Variants in CELSR3 observed in about 807,000 individuals in gnomAD.
CELSR3 encodes the protein EGF-like protein 1.
Under a neutral mutation model 270.0 loss-of-function variants are expected in CELSR3, and 73 were observed. The observed-to-expected ratio is 0.27, with a 90% CI of 0.22 to 0.33. The LOEUF is 0.33. Among genes scored for constraint, CELSR3 ranks in the 10% least tolerant of loss-of-function variants. The probability of loss-of-function intolerance (pLI) is 1.00; values close to 1 mark genes in which losing one functional copy is unlikely to be tolerated. For synonymous variants in CELSR3, 1,780 were observed against 1,905.4 expected (o/e 0.93, Z 1.71); for missense variants, 3,614 against 4,533.8 (o/e 0.80, Z 5.83).
In CELSR3 at chr3:48,648,248, A is replaced by ACACCCCC; in HGVS notation, c.6973+17_6973+18insGGGGGTG. On this transcript the variant is annotated intron_variant, in intron 19 of 34. Coordinates refer to ENST00000164024, the MANE Select transcript of CELSR3 (RefSeq NM_001407.3). Reference sequence around the variant, plus strand: ...TGGCCCCCCTGCTGTGCCCCGCCCTACCCCACCCACAACGCACTGATATTA... The same window carrying ACACCCCC: ...TGGCCCCCCTGCTGTGCCCCGCCCTACACCCCCCCCCACCCACAACGCACTGATATTA... The ACACCCCC allele has an allele frequency of 1.0e-6, 1 of 975,248 alleles. No homozygotes were observed. The highest frequency in any genetic ancestry group is 1.5e-6 in the Non-Finnish European group (1 of 653,538). The allele number at this position is 975,248 out of a possible 1,614,324, so 60.4% of individuals were successfully genotyped here.
Position 48,650,435 on chromosome 3 carries a change from G to GGGGGGGGGC in CELSR3, c.6472+44_6472+45insGCCCCCCCC. 1 of 1,213,560 alleles carries GGGGGGGGGC rather than the reference G, an allele frequency of 8.2e-7. No homozygotes were observed. The highest frequency in any genetic ancestry group is 1.2e-6 in the Non-Finnish European group (1 of 846,620). 75.2% of individuals were successfully genotyped at this position (1,213,560 alleles called of 1,614,324 possible). A position where few individuals can be genotyped will look rare whatever the true frequency, so the allele number is the denominator to read the frequency against. ...CATGGCTCTAGCAGTCAGAGTACAG[G>GGGGGGGGGC]CCCACCCCCACCCTCAGTGATGTCC... On this transcript the variant is annotated intron_variant, in intron 16 of 34. Transcript: ENST00000164024. This position sits in a 1 kb window ranked among gnomAD's most constrained non-coding sequence, Gnocchi z 5.1.
chr3:48,652,798 A>C lies in CELSR3; in HGVS notation c.5634+204T>G, dbSNP rs1345665472. Among the ~76,000 whole-genome samples, 2 of 152,208 alleles carry C rather than the reference A, an allele frequency of 1.3e-5. No individual in the cohort carries two copies. The highest frequency in any genetic ancestry group is 2.4e-5 in the African/African-American group (1 of 41,436). On this transcript the variant is annotated intron_variant, in intron 10 of 34. Transcript: ENST00000164024. This position sits in a 1 kb window ranked among gnomAD's most constrained non-coding sequence, Gnocchi z 4.3. ...GAGGTTCCCCAAGACCAGGCCCCAA[A>C]TCTGGCACAAAGAGGGCTTGAGAGT...
Position 48,650,864 on chromosome 3 carries a change from T to G in CELSR3, c.6370+28A>C, listed in dbSNP as rs749347987. 1 of 1,601,568 alleles carries G rather than the reference T, an allele frequency of 6.2e-7. No homozygotes were observed. The highest frequency in any genetic ancestry group is 2.2e-5 in the East Asian group (1 of 44,810). ...GTGGCACACTGGAACCAGCCCTCTA[T>G]GGGTGGAGCTGGGTGGAGCCTGCTC... is the stretch of plus-strand genomic sequence containing the variant. On this transcript the variant is annotated intron_variant, in intron 15 of 34. Coordinates refer to ENST00000164024, the MANE Select transcript of CELSR3 (RefSeq NM_001407.3). This position sits in a 1 kb window ranked among gnomAD's most constrained non-coding sequence, Gnocchi z 5.1.
In CELSR3 at chr3:48,659,451, C is replaced by T. The variant is rs1349803149; in HGVS notation, c.3184G>A (p.Asp1062Asn). The T allele has an allele frequency of 6.2e-7, 1 of 1,614,196 alleles. No individual in the cohort carries two copies. The highest frequency in any genetic ancestry group is 8.5e-7 in the Non-Finnish European group (1 of 1,180,050). The change falls in exon 1 of 35, where the codon GAC becomes AAC. Residue 1062 changes from aspartate (D) to asparagine (N), a missense_variant. By Grantham distance (23) the Asp-to-Asn change is conservative. Around this residue, in one of 7 missense-constraint regions of CELSR3, gnomAD observed 1,331 missense variants for 1,933.7 expected, o/e 0.69. Transcript: ENST00000164024. The surrounding 1 kb of genome is among the most constrained non-coding windows in gnomAD (Gnocchi z 8.1). ...TCAGCTGGGAAGACAGGTGCATTGT[C>T]GTTCACATCCTGCACCATCACCTGG... The part of the protein sequence containing the change: ...SIQVMVQDVN[D>N]NAPVFPAEEF...
chr3:48,640,875 C>A lies in CELSR3; in HGVS notation c.9026-316G>T. Reference sequence around the variant, plus strand: ...GCCCTCAGGTCCTGACAATGCAGGCCTGGCTGAAATGCAGGAACCCCCCGG... The same window carrying A: ...GCCCTCAGGTCCTGACAATGCAGGCATGGCTGAAATGCAGGAACCCCCCGG... On this transcript the variant is annotated intron_variant, in intron 33 of 34. Transcript: ENST00000164024. The surrounding 1 kb of genome is among the most constrained non-coding windows in gnomAD (Gnocchi z 7.5). The A allele has an allele frequency of 2.2e-6, 1 of 464,396 alleles. No individual in the cohort carries two copies. The highest frequency in any genetic ancestry group is 3.8e-6 in the Non-Finnish European group (1 of 261,826). The allele number at this position is 464,396 out of a possible 1,614,324, so 28.8% of individuals were successfully genotyped here.
In CELSR3 at chr3:48,648,248, A is replaced by ACCCCCCCCCCAACCCCCCC; in HGVS notation, c.6973+17_6973+18insGGGGGGGTTGGGGGGGGGG. 1.0e-6 allele frequency: 1 copy of ACCCCCCCCCCAACCCCCCC among 975,254 alleles called. No individual in the cohort carries two copies. The highest frequency in any genetic ancestry group is 1.5e-6 in the Non-Finnish European group (1 of 653,540). 60.4% of individuals were successfully genotyped at this position (975,254 alleles called of 1,614,324 possible). Reference sequence around the variant, plus strand: ...TGGCCCCCCTGCTGTGCCCCGCCCTACCCCACCCACAACGCACTGATATTA... The same window carrying ACCCCCCCCCCAACCCCCCC: ...TGGCCCCCCTGCTGTGCCCCGCCCTACCCCCCCCCCAACCCCCCCCCCCACCCACAACGCACTGATATTA... On this transcript the variant is annotated intron_variant, in intron 19 of 34. Coordinates refer to ENST00000164024, the MANE Select transcript of CELSR3 (RefSeq NM_001407.3).
Position 48,646,856 on chromosome 3 carries a change from G to C in CELSR3, c.7202C>G (p.Pro2401Arg), listed in dbSNP as rs2047089033. 1 of 1,596,910 alleles carries C rather than the reference G, an allele frequency of 6.3e-7. No individual in the cohort carries two copies. Among genetic ancestry groups the C allele is most frequent in the Non-Finnish European group, 8.5e-7 (1 of 1,174,046 alleles). Reference protein sequence around the residue: ...SVVPPPAPPEPEPGISIIILL... With the variant: ...SVVPPPAPPEREPGISIIILL... ...AATGATAATGGAGATCCCAGGCTCT[G>C]GCTCTGGCGGGGCTGGTGGGGGGAC... The change falls in exon 21 of 35, where the codon CCA becomes CGA. Residue 2401 changes from proline (P) to arginine (R), a missense_variant. Transcript: ENST00000164024. This position sits in a 1 kb window ranked among gnomAD's most constrained non-coding sequence, Gnocchi z 4.8.
At position 48,655,355 on chromosome 3, in the gene CELSR3, C is replaced by T; in HGVS notation, c.4781G>A (p.Gly1594Asp). ...TGTATGCCATTGCCCGTCACTCAAG[C>T]CCCCTGGAACTGTGGGGCTGACCAC... ...NTVVSPTVPG[G>D]LSDGQWHTVH... The change falls in exon 5 of 35, where the codon GGC becomes GAC. Residue 1594 changes from glycine (G) to aspartate (D), a missense_variant. Gly to Asp is a moderately conservative substitution (Grantham distance 94). This residue lies in a region of CELSR3 where 1,331 missense variants were observed against 1,933.7 expected (regional missense o/e 0.69). Coordinates refer to ENST00000164024, the MANE Select transcript of CELSR3 (RefSeq NM_001407.3). The surrounding 1 kb of genome is among the most constrained non-coding windows in gnomAD (Gnocchi z 5.8). The T allele has an allele frequency of 1.9e-6, 3 of 1,614,102 alleles. No homozygotes were observed. The highest frequency in any genetic ancestry group is 1.7e-4 in the Middle Eastern group (1 of 6,060).
chr3:48,643,503 C>T, intron 28 of CELSR3, 51 bp downstream of exon 28: 1 of 1,536,206 alleles, frequency 6.5e-7, no homozygotes, highest in Non-Finnish European at 8.8e-7. Context: ...ATGGCCCCAG[C>T]CTACTGAAGG....
At chr3:48,647,711 AG>A (rs2047099245) in intron 20 of CELSR3, 129 bp downstream of exon 20, 2 of 738,230 alleles carry the variant, frequency 2.7e-6, no homozygotes, top group Non-Finnish European at 4.2e-6. Context: ...GGGAGGGTGG[AG>A]GGGAGATGTG....
intron 18 of CELSR3, 108 bp from the exon 19 acceptor site, chr3:48,648,569 A>G: frequency 7.3e-7 from 1 of 1,379,054 alleles, no homozygotes; most frequent in South Asian, 1.4e-5. Context: ...TCCAACAGGC[A>G]AGGGGGCGGG....
At position 48,661,977 on chromosome 3, in the gene CELSR3, C is replaced by A. The variant is rs144021269; in HGVS notation, c.658G>T (p.Ala220Ser). 5 of 1,613,848 alleles carry A rather than the reference C, an allele frequency of 3.1e-6. No homozygotes were observed. In the African/African-American group the frequency reaches 6.7e-5, roughly 22 times the overall value. Reference sequence around the variant, plus strand: ...GTCCTTTCTGCTCCGGATGTCGTGGCTCTCTCGCCCTGACCCTTGCTCCCT... The same window carrying A: ...GTCCTTTCTGCTCCGGATGTCGTGGATCTCTCGCCCTGACCCTTGCTCCCT... ...ATGSKGQGER[A>S]TTSGAERTAP... The change falls in exon 1 of 35, where the codon GCC becomes TCC. Residue 220 changes from alanine to serine, a missense_variant. Ala to Ser is a moderately conservative substitution (Grantham distance 99, BLOSUM62 1). Transcript: ENST00000164024.
At position 48,650,608 on chromosome 3, in the gene CELSR3, G is replaced by A. The variant is rs2047128493; in HGVS notation, c.6371-27C>T. The A allele has an allele frequency of 6.3e-7, 1 of 1,575,188 alleles. No homozygotes were observed. Among genetic ancestry groups the A allele is most frequent in the Non-Finnish European group, 8.6e-7 (1 of 1,159,758 alleles). On this transcript the variant is annotated intron_variant, in intron 15 of 34. Coordinates refer to ENST00000164024, the MANE Select transcript of CELSR3 (RefSeq NM_001407.3). The surrounding 1 kb of genome is among the most constrained non-coding windows in gnomAD (Gnocchi z 5.1). ...TAGAGAGAGAAGAGGTGCTGAGCCA[G>A]GCAGTCAGGGTACAGGGCAGTTGAC...
rs1305798343 is a variant in CELSR3 at position 48,643,606 on chromosome 3, T to A, written c.8237A>T (p.Asn2746Ile). ...ASWLFGLLAV[N>I]HSILAFHYLH... is the part of the protein sequence containing the mutation. ...GTAGTGGAAGGCTAGGATGCTGTGG[T>A]TGACTGCCAGGAGCCCAAAGAGCCA... Residue 2746 changes from asparagine to isoleucine, a missense_variant, in exon 28 of 35, where the codon AAC becomes ATC. Coordinates refer to ENST00000164024, the MANE Select transcript of CELSR3 (RefSeq NM_001407.3). The A allele has an allele frequency of 6.4e-7, 1 of 1,550,894 alleles. No individual in the cohort carries two copies. The highest frequency in any genetic ancestry group is 2.4e-5 in the East Asian group (1 of 40,916).
chr3:48,658,760 G>C lies in CELSR3; in HGVS notation c.3748+127C>G. On this transcript the variant is annotated intron_variant, in intron 1 of 34. Transcript: ENST00000164024. This position sits in a 1 kb window ranked among gnomAD's most constrained non-coding sequence, Gnocchi z 4.7. ...TCTGTGGCAGATCTTGTAGGGTGCA[G>C]GAACCCTACCCTTAAGGGGTTCTTG... The C allele has an allele frequency of 1.7e-6, 2 of 1,143,674 alleles. No homozygotes were observed. Among genetic ancestry groups the C allele is most frequent in the Non-Finnish European group, 2.5e-6 (2 of 806,500 alleles). The allele number at this position is 1,143,674 out of a possible 1,614,324, so 70.8% of individuals were successfully genotyped here.
chr3:48,653,905 C>T lies in CELSR3; in HGVS notation c.5251G>A (p.Gly1751Ser). 1 of 1,613,760 alleles carries T rather than the reference C, an allele frequency of 6.2e-7. No individual in the cohort carries two copies. The change falls in exon 8 of 35, where the codon GGC (glycine) becomes AGC (serine). Residue 1751 changes from glycine (G) to serine (S), a missense_variant. By Grantham distance (56) the Gly-to-Ser change is moderately conservative. Transcript: ENST00000164024. This position sits in a 1 kb window ranked among gnomAD's most constrained non-coding sequence, Gnocchi z 6.5. The part of the protein sequence containing the change: ...WGSFSCDCPV[G>S]FGGKDCQLTM... ...AGCTGACAGTCTTTGCCGCCGAAGC[C>T]CACAGGGCAGTCGCAGCTGAAGCTG...
rs759962374 is a variant in CELSR3, at chr3:48,661,846, G to A, written c.789C>T (p.Arg263=). ...CCGGCTCGGGAGCTGTCCGAGACTC[G>A]CGGGGTGCTGAACCTGATGCAGGAG... ...RTAPASGSAP[R]ESRTAPEPAP... The change falls in exon 1 of 35, where the codon CGC becomes CGT. Residue 263 remains arginine (R), a synonymous_variant. Transcript: ENST00000164024. The A allele has an allele frequency of 2.5e-6, 4 of 1,610,186 alleles. No individual in the cohort carries two copies. Among genetic ancestry groups the A allele is most frequent in the Middle Eastern group, 1.7e-4 (1 of 5,976 alleles).
rs1053309812 is a variant in CELSR3, at chr3:48,661,782, G to C, written c.853C>G (p.Arg285Gly). The change falls in exon 1 of 35, where the codon CGC becomes GGC. Residue 285 changes from arginine (R) to glycine (G), a missense_variant. Arg to Gly is a moderately radical substitution (Grantham distance 125). This residue lies in a region of CELSR3 where 470 missense variants were observed against 469.7 expected (regional missense o/e 1.00). Coordinates refer to ENST00000164024, the MANE Select transcript of CELSR3 (RefSeq NM_001407.3). ...GGCCCGGGGCGCTGCGGGAGGAAGC[G>C]GCAGCGGAAGAGACCCCGGGAGCGC... ...RMRSRGLFRC[R>G]FLPQRPGPRP... 1 of 1,602,934 alleles carries C rather than the reference G, an allele frequency of 6.2e-7. No homozygotes were observed. Among genetic ancestry groups the C allele is most frequent in the South Asian group, 1.1e-5 (1 of 90,312 alleles).
At position 48,650,438 on chromosome 3, in the gene CELSR3, C is replaced by CGG; in HGVS notation, c.6472+41_6472+42insCC. The CGG allele has an allele frequency of 1.3e-6, 1 of 744,934 alleles. No individual in the cohort carries two copies. 46.1% of individuals were successfully genotyped at this position (744,934 alleles called of 1,614,324 possible). On this transcript the variant is annotated intron_variant, in intron 16 of 34. Transcript: ENST00000164024. This position sits in a 1 kb window ranked among gnomAD's most constrained non-coding sequence, Gnocchi z 5.1. The stretch of plus-strand genomic sequence containing the variant: ...GGCTCTAGCAGTCAGAGTACAGGCC[C>CGG]ACCCCCACCCTCAGTGATGTCCTTT...
Sources: allele counts gnomAD v4.1 joint callset (sites outside exome capture counted in the v4.1 genomes callset), GRCh38; gene constraint gnomAD v4.1.1; regional missense constraint gnomAD v4.1.1; non-coding constraint Gnocchi (gnomAD v3.1); transcripts MANE v1.5; gene names NCBI Gene and HGNC (gene_info 2026-07-23, HGNC 2026-07-21).